The following MYO3B variants were observed in gnomAD, a reference collection of about 807,000 sequenced individuals.
MYO3B encodes the protein myosin-IIIb.
Under a neutral mutation model 174.6 loss-of-function variants are expected in MYO3B, and 156 were observed. The ratio of observed to expected loss-of-function variants is 0.89; its 90% confidence interval spans 0.78 to 1.02. The LOEUF (loss-of-function observed/expected upper bound fraction) is 1.02. Among genes scored for constraint, MYO3B ranks in the 50% least tolerant of loss-of-function variants. The probability of loss-of-function intolerance (pLI) is 0.00; values close to 1 mark genes in which losing one functional copy is unlikely to be tolerated. For missense variants in MYO3B, 1,632 were observed against 1,639.4 expected (o/e 1.00, Z 0.08); for synonymous variants, 563 against 569.1 (o/e 0.99, Z 0.15).
intron 25 of MYO3B, among the ~76,000 whole-genome samples, chr2:170,475,923 A>C (rs1417504313): frequency 6.6e-6 from 1 of 152,242 alleles, no homozygotes; most frequent in African/African-American, 2.4e-5. Flanking sequence ...AAGAGCATCT[A>C]CTTACCATAA....
intron 32 of MYO3B, among the ~76,000 whole-genome samples, chr2:170,551,538 CAAAAAAAAA>C (rs3072763): frequency 7.1e-5 from 4 of 56,202 alleles, no homozygotes; most frequent in Non-Finnish European, 9.6e-5. Context: ...TGACTTTTTG[CAAAAAAAAA>C]AAAAAAAAAA....
chr2:170,521,204 T>C (rs2058655), intron 30 of MYO3B, among the ~76,000 whole-genome samples: 80,728 of 152,010 alleles, frequency 0.53, 21,761 homozygotes, highest in East Asian at 0.78. Flanking sequence ...CAAATTGTCA[T>C]TGGGCTTCTT....
intron 32 of MYO3B, among the ~76,000 whole-genome samples, chr2:170,623,928 C>G (rs1265469595): frequency 6.6e-6 from 1 of 152,080 alleles, no homozygotes; most frequent in African/African-American, 2.4e-5. Flanking sequence ...TTCCATTGGT[C>G]TATATTTCTG....
chr2:170,342,671 CTT>C, intron 8 of MYO3B, among the ~76,000 whole-genome samples: 1 of 152,234 alleles, frequency 6.6e-6, no homozygotes, highest in East Asian at 1.9e-4. Context: ...ATATATAACT[CTT>C]ATGCTAGGCA....
At chr2:170,497,963 A>G (rs1686993348) in intron 25 of MYO3B, among the ~76,000 whole-genome samples, 1 of 151,944 alleles carries the variant, frequency 6.6e-6, no homozygotes, top group Non-Finnish European at 1.5e-5. Context: ...AAAAAAAAAA[A>G]AAAAAAAAGA....
At chr2:170,236,898 A>G (rs2161918) in intron 7 of MYO3B, among the ~76,000 whole-genome samples, 150,692 of 152,336 alleles carry the variant, frequency 0.99, 74,552 homozygotes, top group Middle Eastern at 1. Context: ...AACAATACAA[A>G]TGTTGACCTT....
intron 28 of MYO3B, among the ~76,000 whole-genome samples, chr2:170,504,540 C>G (rs559177726): frequency 6.6e-6 from 1 of 152,194 alleles, no homozygotes; most frequent in Non-Finnish European, 1.5e-5. Flanking sequence ...AAACAAGATG[C>G]CTTTTCATGC....
At chr2:170,299,064 A>G (rs2093647559) in intron 7 of MYO3B, among the ~76,000 whole-genome samples, 1 of 152,190 alleles carries the variant, frequency 6.6e-6, no homozygotes, top group Non-Finnish European at 1.5e-5. Context: ...AGAATTGCCT[A>G]ATCATGCATT....
At chr2:170,228,382 A>G (rs944276833) in intron 6 of MYO3B, among the ~76,000 whole-genome samples, 1 of 152,166 alleles carries the variant, frequency 6.6e-6, no homozygotes, top group South Asian at 2.1e-4. Flanking sequence ...TTCATTGTCC[A>G]TCTCTGTATG....
At position 170,630,819 on chromosome 2, in the gene MYO3B, C is replaced by CTGTT. The variant is rs1433134872; in HGVS notation, c.3734-20808_3734-20805dup. On this transcript the variant is annotated intron_variant, in intron 32 of 34. Coordinates refer to ENST00000408978, the MANE Select transcript of MYO3B (RefSeq NM_138995.5). ...ACAGACCTGCAACTGAGGGACCTGA[C>CTGTT]TGTTAGAAGGAAAACTAACAAACAC... Among the ~76,000 whole-genome samples the CTGTT allele has an allele frequency of 3.3e-5, 5 of 152,362 alleles. No individual in the cohort carries two copies. In the South Asian group the frequency reaches 6.2e-4, roughly 19 times the overall value.
intron 25 of MYO3B, among the ~76,000 whole-genome samples, chr2:170,486,299 C>CTTT (rs10715918): frequency 1.7e-3 from 172 of 99,134 alleles, no homozygotes; most frequent in African/African-American, 2.5e-3. Flanking sequence ...AGAATCCATT[C>CTTT]TTTTTTTTTT....
intron 22 of MYO3B, among the ~76,000 whole-genome samples, chr2:170,424,284 C>G (rs1182227681): frequency 6.6e-6 from 1 of 152,130 alleles, no homozygotes; most frequent in East Asian, 1.9e-4. Context: ...GTTCCTCTTG[C>G]CTTCCTGGCT....
chr2:170,501,764 C>T, intron 27 of MYO3B, 21 bp from the exon 28 acceptor site: 1 of 1,532,510 alleles, frequency 6.5e-7, no homozygotes, highest in Non-Finnish European at 9.0e-7. Flanking sequence ...TCATTCCTAG[C>T]ACATGGTTTT....
intron 28 of MYO3B, 30 bp downstream of exon 28, chr2:170,501,895 A>G: frequency 7.1e-7 from 1 of 1,417,492 alleles, no homozygotes; most frequent in Non-Finnish European, 1.0e-6. Context: ...CACAGTGTCC[A>G]CTTGAAAATA....
At chr2:170,369,127 A>C in intron 8 of MYO3B, 95 bp from the exon 9 acceptor site, 1 of 1,143,934 alleles carries the variant, frequency 8.7e-7, no homozygotes, top group Non-Finnish European at 1.2e-6. Flanking sequence ...CAGGTTTTAT[A>C]AATGAGCTTT....
chr2:170,588,687 A>C (rs1693641934), intron 32 of MYO3B, among the ~76,000 whole-genome samples: 1 of 152,178 alleles, frequency 6.6e-6, no homozygotes, highest in African/African-American at 2.4e-5. Context: ...TGACCCAACC[A>C]ATGGATCAAG....
chr2:170,503,652 C>CT (rs34293935), intron 28 of MYO3B, among the ~76,000 whole-genome samples: 2 of 147,126 alleles, frequency 1.4e-5, no homozygotes, highest in African/African-American at 5.1e-5. Flanking sequence ...GGGTGCCGTC[C>CT]TTTTTTTTTT....
At chr2:170,354,749 A>G (rs564229525) in intron 8 of MYO3B, among the ~76,000 whole-genome samples, 11 of 152,242 alleles carry the variant, frequency 7.2e-5, no homozygotes, top group African/African-American at 2.4e-4. Flanking sequence ...TTCCTTTCAG[A>G]AAGGATTAGG....
intron 7 of MYO3B, among the ~76,000 whole-genome samples, chr2:170,295,295 C>T (rs1026852462): frequency 9.9e-5 from 15 of 151,606 alleles, no homozygotes; most frequent in African/African-American, 3.4e-4. Flanking sequence ...TCATTTATAC[C>T]ATTTAATTTT....
Sources: allele counts gnomAD v4.1 joint callset (sites outside exome capture counted in the v4.1 genomes callset), GRCh38; gene constraint gnomAD v4.1.1; transcripts MANE v1.5; gene names NCBI Gene and HGNC (gene_info 2026-07-23, HGNC 2026-07-21).